NRG3: variants seen among roughly 807,000 people sequenced by gnomAD.
NRG3 encodes pro-neuregulin-3, membrane-bound isoform.
Under a neutral mutation model 66.9 loss-of-function variants are expected in NRG3, and 31 were observed. The ratio of observed to expected loss-of-function variants is 0.46; its 90% CI spans 0.35 to 0.63. The LOEUF (loss-of-function observed/expected upper bound fraction) is 0.63. Among genes scored for constraint, NRG3 ranks in the 20% least tolerant of loss-of-function variants. NRG3 has a pLI of 0.00. For synonymous variants in NRG3, 393 were observed against 359.4 expected, an observed-to-expected ratio of 1.09 and a Z score of -1.06; for missense variants, 910 against 878.9, an observed-to-expected ratio of 1.04 and a Z score of -0.45.
At chr10:82,018,072 A>G (rs947823180) in intron 1 of NRG3, among the ~76,000 whole-genome samples, 1 of 152,008 alleles carries the variant, frequency 6.6e-6, no homozygotes, top group Non-Finnish European at 1.5e-5. Context: ...TTTTAGGTCT[A>G]ATGTTGAAGT....
rs1565324535 is a variant in NRG3, at chr10:82,796,075, GT to G, written c.1027+57427del. Among the ~76,000 whole-genome samples, 6 of 152,112 alleles carry G rather than the reference GT, an allele frequency of 3.9e-5. No individual in the cohort carries two copies. In the South Asian group the frequency reaches 1.2e-3, roughly 32 times the overall value. On this transcript the variant is annotated intron_variant, in intron 3 of 8. Transcript: ENST00000372141. Reference sequence around the variant, plus strand: ...TAAATAATACTGCATACTGAAGTCTGTTCAGTGTCCCCACAATCATAATAAA... The same window carrying G: ...TAAATAATACTGCATACTGAAGTCTGTCAGTGTCCCCACAATCATAATAAA...
chr10:81,916,706 G>A (rs1845747147), intron 1 of NRG3, among the ~76,000 whole-genome samples: 1 of 152,138 alleles, frequency 6.6e-6, no homozygotes, highest in Admixed American at 6.6e-5. Flanking sequence ...TAGAAGGGCA[G>A]GCATTGCTAA....
chr10:82,376,208 C>T (rs946669551), intron 2 of NRG3, among the ~76,000 whole-genome samples: 1 of 152,190 alleles, frequency 6.6e-6, no homozygotes, highest in Non-Finnish European at 1.5e-5. Flanking sequence ...GGAGCTCTTC[C>T]ACTTTAGCTG....
At chr10:82,437,463 C>G (rs1286221623) in intron 2 of NRG3, among the ~76,000 whole-genome samples, 1 of 151,930 alleles carries the variant, frequency 6.6e-6, no homozygotes, top group Non-Finnish European at 1.5e-5. Context: ...TTCTTAGCTT[C>G]TTTGCATTGT....
chr10:82,558,138 A>G (rs947419651), intron 2 of NRG3, among the ~76,000 whole-genome samples: 1 of 152,194 alleles, frequency 6.6e-6, no homozygotes, highest in African/African-American at 2.4e-5. Context: ...TTGCAGAAAC[A>G]AGGAAGGGTG....
At chr10:82,018,269 G>T (rs1433018220) in intron 1 of NRG3, among the ~76,000 whole-genome samples, 1 of 151,956 alleles carries the variant, frequency 6.6e-6, no homozygotes, top group Non-Finnish European at 1.5e-5. Context: ...GTTTCTGAGG[G>T]CTCTATTCTG....
chr10:82,559,963 AAT>A (rs200926192), intron 2 of NRG3, among the ~76,000 whole-genome samples: 5 of 151,462 alleles, frequency 3.3e-5, no homozygotes, highest in African/African-American at 4.8e-5. Flanking sequence ...TTAGGAATTT[AAT>A]ATATATATAT....
chr10:82,329,670 T>C lies in NRG3; in HGVS notation c.824-29069T>C, dbSNP rs549844693. Among the ~76,000 whole-genome samples, 456 of 152,326 alleles carry C rather than the reference T, an allele frequency of 3.0e-3. 5 individuals carry two copies. The highest frequency in any genetic ancestry group is 0.01 in the African/African-American group (427 of 41,578). On this transcript the variant is annotated intron_variant, in intron 1 of 8. Transcript: ENST00000372141. ...TGGCCACATAGGATAATCTGTCTTA[T>C]TCCTTCAAAGAAACTGCTCAGGTAC...
intron 2 of NRG3, among the ~76,000 whole-genome samples, chr10:82,678,881 CT>C (rs1382637188): frequency 4.6e-5 from 7 of 152,090 alleles, no homozygotes; most frequent in African/African-American, 1.7e-4. Context: ...TCATGTCTTC[CT>C]TGATATTTCT....
At chr10:82,660,069 G>A (rs2052209651) in intron 2 of NRG3, among the ~76,000 whole-genome samples, 1 of 151,424 alleles carries the variant, frequency 6.6e-6, no homozygotes, top group East Asian at 1.9e-4. Flanking sequence ...GGTGGTGGTT[G>A]CCTGTAATCC....
intron 2 of NRG3, among the ~76,000 whole-genome samples, chr10:82,679,638 AC>A (rs2053965451): frequency 6.6e-6 from 1 of 152,214 alleles, no homozygotes; most frequent in Non-Finnish European, 1.5e-5. Flanking sequence ...AGAGCATTAA[AC>A]TAAGAGTGGG....
rs57692568 is a variant in NRG3, at chr10:82,481,749, C to A, written c.953+122881C>A. Among the ~76,000 whole-genome samples, 651 of 152,168 alleles carry A rather than the reference C, an allele frequency of 4.3e-3. 5 individuals are homozygous for A. The highest frequency in any genetic ancestry group is 0.015 in the African/African-American group (628 of 41,532). ...CCTTTAATTTTAGCACTTTGGGAGGCCGAGGCAGGCGGATCACTTGAGGTC... is the reference window on the plus strand; with the variant it reads ...CCTTTAATTTTAGCACTTTGGGAGGACGAGGCAGGCGGATCACTTGAGGTC... On this transcript the variant is annotated intron_variant, in intron 2 of 8. Transcript: ENST00000372141.
intron 1 of NRG3, among the ~76,000 whole-genome samples, chr10:82,184,831 C>T (rs956206922): frequency 1.7e-4 from 26 of 152,124 alleles, no homozygotes; most frequent in Admixed American, 6.6e-5. Context: ...CAGACATTGA[C>T]TTACTGTCAA....
chr10:82,970,396 C>T lies in NRG3; in HGVS notation c.1285-3392C>T, dbSNP rs529085501. Among the ~76,000 whole-genome samples the T allele has an allele frequency of 3.9e-5, 6 of 152,226 alleles. No homozygotes were observed. The South Asian group carries it at 1.2e-3, about 32-fold the overall frequency. ...CACACTACAGTCTCTAACTCCTGGG[C>T]TCAAATGACCCTCCCACCTCCACTT... is the stretch of plus-strand genomic sequence containing the variant. On this transcript the variant is annotated intron_variant, in intron 6 of 8. Transcript: ENST00000372141.
In NRG3 at chr10:82,569,319, C is replaced by T. The variant is rs192618731; in HGVS notation, c.954-169258C>T. 5.9e-5 allele frequency among the ~76,000 whole-genome samples: 9 copies of T among 151,774 alleles called. No homozygotes were observed. In the East Asian group the frequency reaches 1.7e-3, roughly 29 times the overall value. ...AAACTTCTGGATTTTATTTGCACCC[C>T]AGTTACTAACTAGCAGTATTACCTA... On this transcript the variant is annotated intron_variant, in intron 2 of 8. Coordinates refer to ENST00000372141, the MANE Select transcript of NRG3 (RefSeq NM_001010848.4).
intron 2 of NRG3, among the ~76,000 whole-genome samples, chr10:82,424,419 T>C (rs1234889921): frequency 6.6e-6 from 1 of 152,076 alleles, no homozygotes; most frequent in Non-Finnish European, 1.5e-5. Flanking sequence ...ACTTTTTGTA[T>C]GCTTATTGGC....
At chr10:82,500,094 A>G (rs990587335) in intron 2 of NRG3, among the ~76,000 whole-genome samples, 1 of 152,304 alleles carries the variant, frequency 6.6e-6, no homozygotes, top group African/African-American at 2.4e-5. Flanking sequence ...AGCAGTGAGG[A>G]CATATTGAAA....
At chr10:82,763,501 CA>C (rs2059402936) in intron 3 of NRG3, among the ~76,000 whole-genome samples, 1 of 151,854 alleles carries the variant, frequency 6.6e-6, no homozygotes, top group Non-Finnish European at 1.5e-5. Flanking sequence ...TAGCATAAAA[CA>C]AAGAAAAATA....
At chr10:82,743,723 A>T (rs572932151) in intron 3 of NRG3, among the ~76,000 whole-genome samples, 85 of 152,166 alleles carry the variant, frequency 5.6e-4, no homozygotes, top group African/African-American at 2.0e-3. Flanking sequence ...GGAAAAAAAA[A>T]TTGAGAACAG....
Sources: allele counts gnomAD v4.1 joint callset (sites outside exome capture counted in the v4.1 genomes callset), GRCh38; gene constraint gnomAD v4.1.1; transcripts MANE v1.5; gene names NCBI Gene and HGNC (gene_info 2026-07-23, HGNC 2026-07-21).